PDE1A: variants seen among roughly 807,000 people sequenced by gnomAD.
PDE1A encodes the protein dual specificity calcium/calmodulin-dependent 3',5'-cyclic nucleotide phosphodiesterase 1A.
Under a neutral mutation model 61.7 loss-of-function variants are expected in PDE1A, and 35 were observed. The ratio of observed to expected loss-of-function variants is 0.57; its 90% CI spans 0.43 to 0.75. The LOEUF (loss-of-function observed/expected upper bound fraction) is 0.75, where lower values mean the gene tolerates loss of function less well. PDE1A is among the 30% of genes least tolerant of loss of function. PDE1A has a pLI of 0.00. For missense variants in PDE1A, 597 were observed against 630.6 expected (o/e 0.95, Z 0.57); for synonymous variants, 232 against 213.2 (o/e 1.09, Z -0.77).
chr2:182,440,586 A>C (rs1684724396), intron 2 of PDE1A, among the ~76,000 whole-genome samples: 1 of 148,022 alleles, frequency 6.8e-6, no homozygotes, highest in Admixed American at 6.7e-5. Context: ...CATTATTAAA[A>C]CAAGATATAT....
At chr2:182,192,697 T>G (rs1475577047) in intron 10 of PDE1A, among the ~76,000 whole-genome samples, 1 of 152,004 alleles carries the variant, frequency 6.6e-6, no homozygotes, top group Non-Finnish European at 1.5e-5. Flanking sequence ...AAATGAGGAG[T>G]AAGTAGAAAA....
the PDE1A span, among the ~76,000 whole-genome samples, chr2:182,678,991 T>G: frequency 1.4e-5 from 2 of 146,848 alleles, no homozygotes; most frequent in Admixed American, 7.0e-5. Flanking sequence ...CTAATTATCC[T>G]CACTTTGGTT....
At chr2:182,364,647 T>C (rs1699734313) in intron 1 of PDE1A, among the ~76,000 whole-genome samples, 1 of 151,810 alleles carries the variant, frequency 6.6e-6, no homozygotes, top group African/African-American at 2.4e-5. Context: ...TATCTTACTA[T>C]ATTTGTAACA....
intron 10 of PDE1A, among the ~76,000 whole-genome samples, chr2:182,190,011 T>A (rs1163613052): frequency 1.3e-5 from 2 of 152,212 alleles, no homozygotes; most frequent in Non-Finnish European, 2.9e-5. Context: ...ATAAAATACG[T>A]AAGGACTCCA....
chr2:182,627,714 G>A, the PDE1A span, among the ~76,000 whole-genome samples: 8 of 151,498 alleles, frequency 5.3e-5, no homozygotes, highest in South Asian at 2.1e-4. Context: ...AGGCTAAGGC[G>A]GGCGGATCAT....
chr2:182,282,318 A>G (rs1160387113), intron 1 of PDE1A, among the ~76,000 whole-genome samples: 1 of 151,988 alleles, frequency 6.6e-6, no homozygotes, highest in Non-Finnish European at 1.5e-5. Context: ...GCCTCCTTAC[A>G]TACAAGCCTC....
intron 2 of PDE1A, among the ~76,000 whole-genome samples, chr2:182,247,091 A>C (rs543832210): frequency 6.6e-6 from 1 of 152,280 alleles, no homozygotes; most frequent in South Asian, 2.1e-4. Flanking sequence ...CTTGGGAGCA[A>C]ATTCACTGCT....
At chr2:182,250,788 A>G (rs1241149396) in intron 2 of PDE1A, among the ~76,000 whole-genome samples, 1 of 152,154 alleles carries the variant, frequency 6.6e-6, no homozygotes, top group Admixed American at 6.5e-5. Context: ...TTGAAGTTAG[A>G]TGTGGCTTTC....
the PDE1A span, among the ~76,000 whole-genome samples, chr2:182,666,983 A>G: frequency 6.6e-6 from 1 of 152,182 alleles, no homozygotes; most frequent in African/African-American, 2.4e-5. Context: ...GGAAAGAATC[A>G]GGGGAAATTT....
the PDE1A span, among the ~76,000 whole-genome samples, chr2:182,602,994 CATACAT>C: frequency 1.6e-5 from 2 of 126,110 alleles, no homozygotes; most frequent in Non-Finnish European, 3.4e-5. Context: ...CACACACACA[CATACAT>C]ACATACATAC....
chr2:182,163,026 G>T (rs1471778885), downstream of PDE1A, among the ~76,000 whole-genome samples: 2 of 152,138 alleles, frequency 1.3e-5, no homozygotes, highest in African/African-American at 4.8e-5. Context: ...GGTTTGCAGA[G>T]ACTAGTGCAA....
At chr2:182,351,832 T>A (rs994978682) in intron 1 of PDE1A, among the ~76,000 whole-genome samples, 3 of 152,190 alleles carry the variant, frequency 2.0e-5, no homozygotes, top group Non-Finnish European at 4.4e-5. Context: ...TAATTGATGT[T>A]AATAATCCAC....
At chr2:182,482,030 C>A (rs1022086872) in intron 2 of PDE1A, among the ~76,000 whole-genome samples, 4 of 151,918 alleles carry the variant, frequency 2.6e-5, no homozygotes, top group African/African-American at 9.7e-5. Context: ...TAGTCTCTGT[C>A]TTTTCCTTCC....
intron 6 of PDE1A, among the ~76,000 whole-genome samples, chr2:182,226,343 G>A (rs1380970610): frequency 6.7e-6 from 1 of 149,404 alleles, no homozygotes; most frequent in Admixed American, 6.6e-5. Context: ...TTTTTACTTT[G>A]GTTCATTTCT....
chr2:182,431,666 G>T (rs996239836), upstream of PDE1A, among the ~76,000 whole-genome samples: 4 of 152,044 alleles, frequency 2.6e-5, no homozygotes, highest in Non-Finnish European at 5.9e-5. Flanking sequence ...TTTTACAACT[G>T]ACTAAGAAGC....
At chr2:182,631,152 C>T in the PDE1A span, among the ~76,000 whole-genome samples, 6 of 151,970 alleles carry the variant, frequency 3.9e-5, no homozygotes, top group Non-Finnish European at 8.8e-5. Context: ...AACTTGACAG[C>T]CAGAAAGTCA....
intron 1 of PDE1A, among the ~76,000 whole-genome samples, chr2:182,394,332 C>G (rs942525393): frequency 6.6e-6 from 1 of 152,086 alleles, no homozygotes; most frequent in African/African-American, 2.4e-5. Context: ...GGGGAACTAC[C>G]CTTTATAAAA....
At chr2:182,563,499 G>A in the PDE1A span, among the ~76,000 whole-genome samples, 1 of 152,124 alleles carries the variant, frequency 6.6e-6, no homozygotes, top group Non-Finnish European at 1.5e-5. Context: ...TTTGGAATAG[G>A]TGTGGTGCAG....
intron 2 of PDE1A, among the ~76,000 whole-genome samples, chr2:182,504,444 A>G (rs1019190746): frequency 2.0e-5 from 3 of 152,210 alleles, no homozygotes; most frequent in African/African-American, 7.2e-5. Flanking sequence ...CATTTTTAGT[A>G]TTTTATCATT....
Sources: gnomAD v4.1 joint callset for allele counts (sites outside exome capture counted in the v4.1 genomes callset) on GRCh38, gnomAD v4.1.1 for gene constraint, MANE v1.5 for transcripts, NCBI Gene and HGNC (gene_info 2026-07-23, HGNC 2026-07-21) for gene names.